PECR: variants seen among roughly 807,000 people sequenced by gnomAD.
PECR encodes the protein peroxisomal trans-2-enoyl-CoA reductase.
PECR carries 30 observed loss-of-function variants against 35.3 expected under a neutral mutation model. The observed-to-expected ratio is 0.85, with a 90% CI of 0.64 to 1.15. The LOEUF is 1.15. PECR is among the 50% of genes most tolerant of loss of function. The probability of loss-of-function intolerance (pLI) is 0.00; values close to 1 mark genes in which losing one functional copy is unlikely to be tolerated. For synonymous variants in PECR, 148 were observed against 138.9 expected (o/e 1.07, Z -0.46); for missense variants, 392 against 370.8 (o/e 1.06, Z -0.47).
At chr2:216,039,961 T>C (rs1210021341) in intron 7 of PECR, among the ~76,000 whole-genome samples, 1 of 152,130 alleles carries the variant, frequency 6.6e-6, no homozygotes, top group Non-Finnish European at 1.5e-5. Context: ...TGTTAGAAAT[T>C]CTGGAACAAA....
In PECR at chr2:216,043,915, T is replaced by C. The variant is rs751058679; in HGVS notation, c.815A>G (p.Tyr272Cys). 1.4e-5 allele frequency: 22 copies of C among 1,575,498 alleles called. No homozygotes were observed. In the South Asian group the frequency reaches 1.8e-4, roughly 13 times the overall value. ...CCTCAGCTGCTCACCTGGTACCTCATACGAGTGAGTATAGAGACTCCGGCC... is the reference window on the plus strand; with the variant it reads ...CCTCAGCTGCTCACCTGGTACCTCACACGAGTGAGTATAGAGACTCCGGCC... ...DGGRSLYTHS[Y>C]EVPDHDNWPK... Residue 272 changes from tyrosine to cysteine, a missense_variant, in exon 7 of 8, where the codon TAT becomes TGT. Transcript: ENST00000265322.
At chr2:216,054,513 T>G (rs1354114954) in intron 4 of PECR, among the ~76,000 whole-genome samples, 1 of 151,480 alleles carries the variant, frequency 6.6e-6, no homozygotes, top group African/African-American at 2.4e-5. Context: ...ATTTTGTATT[T>G]TTAGTAGAGA....
chr2:216,030,954 TCTCACACACA>T (rs925489813), intron 7 of PECR, among the ~76,000 whole-genome samples: 2 of 109,472 alleles, frequency 1.8e-5, no homozygotes, highest in African/African-American at 8.4e-5. Context: ...TCTCTCTCTC[TCTCACACACA>T]CACACACACA....
rs960521231 is a variant in PECR at position 216,039,064 on chromosome 2, A to T, written c.*211T>A. 4.7e-6 allele frequency: 2 copies of T among 427,512 alleles called. No individual in the cohort carries two copies. Among genetic ancestry groups the T allele is most frequent in the Non-Finnish European group, 8.5e-6 (2 of 236,124 alleles). 26.5% of individuals were successfully genotyped at this position (427,512 alleles called of 1,614,324 possible). The stretch of plus-strand genomic sequence containing the variant: ...TCATTAAAATATGTTAATTTCTGTT[A>T]CTTATACATTTTTAAATCATAGGTT... On this transcript the variant is annotated 3_prime_UTR_variant, in exon 8 of 8. Transcript: ENST00000265322.
At chr2:216,063,064 A>G (rs1487364558) in intron 3 of PECR, among the ~76,000 whole-genome samples, 1 of 152,200 alleles carries the variant, frequency 6.6e-6, no homozygotes, top group African/African-American at 2.4e-5. Context: ...TTTCAGAATC[A>G]TTTCTATTCA....
chr2:216,072,292 T>C (rs766745766), intron 1 of PECR, among the ~76,000 whole-genome samples: 3 of 152,242 alleles, frequency 2.0e-5, no homozygotes, highest in Non-Finnish European at 4.4e-5. Flanking sequence ...ATAAATAAAG[T>C]TCACAAAGGC....
intron 1 of PECR, among the ~76,000 whole-genome samples, chr2:216,078,398 C>CA (rs1161087140): frequency 6.6e-6 from 1 of 151,392 alleles, no homozygotes; most frequent in Non-Finnish European, 1.5e-5. Context: ...TTTGGGAGGT[C>CA]AAGGGGGATG....
downstream of PECR, among the ~76,000 whole-genome samples, chr2:216,037,323 A>G (rs1370092514): frequency 1.3e-5 from 2 of 152,220 alleles, no homozygotes; most frequent in Non-Finnish European, 2.9e-5. Flanking sequence ...GTTTAGTGCT[A>G]CATAGGCAGG....
intron 1 of PECR, among the ~76,000 whole-genome samples, chr2:216,073,846 C>CT (rs1455970441): frequency 1.3e-5 from 2 of 152,084 alleles, no homozygotes; most frequent in African/African-American, 4.8e-5. Context: ...CTAGGTTTGC[C>CT]TACCACTCTA....
chr2:216,049,770 C>T (rs562111275), intron 5 of PECR, among the ~76,000 whole-genome samples: 2 of 152,310 alleles, frequency 1.3e-5, no homozygotes, highest in African/African-American at 4.8e-5. Flanking sequence ...CTACGTGAGA[C>T]TTAGAAAAAT....
At position 216,061,276 on chromosome 2, in the gene PECR, C is replaced by T. The variant is rs140563985; in HGVS notation, c.425-2300G>A. On this transcript the variant is annotated intron_variant, in intron 3 of 7. Transcript: ENST00000265322. ...GCAGTGAGCCACGATCACATCACTG[C>T]ACTCCAACCCAGGTGACAGAGTGAA... 2.7e-3 allele frequency among the ~76,000 whole-genome samples: 337 copies of T among 123,650 alleles called. 1 individual carries two copies. Among genetic ancestry groups the T allele is most frequent in the Middle Eastern group, 0.011 (2 of 182 alleles). The allele number at this position is 123,650 out of a possible 152,430, so 81.1% of individuals were successfully genotyped here.
At chr2:216,057,702 G>GA in intron 4 of PECR, 1 of 152,074 alleles carries the variant, frequency 6.6e-6, no homozygotes, top group East Asian at 1.9e-4. Flanking sequence ...TCCACTTGAG[G>GA]AAGTACCTCT....
At chr2:216,057,602 T>TAA (rs560776436) in intron 4 of PECR, 129 of 152,248 alleles carry the variant, frequency 8.5e-4, no homozygotes, top group African/African-American at 3.0e-3. Flanking sequence ...ATACATTTAG[T>TAA]AAAGAATAAT....
At chr2:216,044,038 G>T in intron 6 of PECR, 23 bp from the exon 7 acceptor site, 1 of 1,308,010 alleles carries the variant, frequency 7.6e-7, no homozygotes, top group Non-Finnish European at 1.1e-6. Flanking sequence ...ACACACATGT[G>T]CATAGGTAAA....
intron 7 of PECR, among the ~76,000 whole-genome samples, chr2:216,042,738 T>C (rs915826277): frequency 2.0e-5 from 3 of 152,020 alleles, no homozygotes; most frequent in African/African-American, 7.2e-5. Context: ...ATATCAATAT[T>C]TGATTTAAAC....
intron 6 of PECR, among the ~76,000 whole-genome samples, chr2:216,045,896 G>T (rs1043296846): frequency 3.9e-5 from 6 of 152,128 alleles, no homozygotes; most frequent in African/African-American, 1.2e-4. Flanking sequence ...ACAAAAAACC[G>T]GCCAGACGCG....
intron 3 of PECR, 88 bp from the exon 4 acceptor site, chr2:216,059,064 AT>A: frequency 1.2e-6 from 1 of 805,258 alleles, no homozygotes; most frequent in Non-Finnish European, 2.2e-6. Context: ...CCTGTTTGAT[AT>A]GTTTTACACG....
chr2:216,053,195 T>C (rs1341656535), intron 4 of PECR, among the ~76,000 whole-genome samples: 1 of 151,718 alleles, frequency 6.6e-6, no homozygotes, highest in African/African-American at 2.4e-5. Flanking sequence ...TTATTCAAAA[T>C]GCTTGGAACC....
intron 6 of PECR, among the ~76,000 whole-genome samples, chr2:216,044,644 C>T (rs1248330860): frequency 4.0e-5 from 6 of 151,874 alleles, no homozygotes; most frequent in African/African-American, 7.3e-5. Flanking sequence ...TGCAGTGAGC[C>T]AAGACTGCAC....
Sources: allele counts gnomAD v4.1 joint callset (sites outside exome capture counted in the v4.1 genomes callset), GRCh38; gene constraint gnomAD v4.1.1; transcripts MANE v1.5; gene names NCBI Gene and HGNC (gene_info 2026-07-23, HGNC 2026-07-21).